Variants in TRPC5 observed in about 807,000 individuals in gnomAD.
TRPC5 encodes short transient receptor potential channel 5.
Under a neutral mutation model 56.5 loss-of-function variants are expected in TRPC5, and 9 were observed. The observed-to-expected ratio is 0.16, with a 90% CI of 0.10 to 0.28. TRPC5 has a LOEUF of 0.28. TRPC5 is among the 10% of genes least tolerant of loss of function. The pLI, the probability that TRPC5 is intolerant of heterozygous loss-of-function variation, is 1.00. For missense variants in TRPC5, 469 were observed against 748.9 expected (o/e 0.63, Z 4.36); for synonymous variants, 282 against 278.5 (o/e 1.01, Z -0.13).
intron 1 of TRPC5, among the ~76,000 whole-genome samples, chrX:112,080,329 C>T (rs769706695): frequency 9.1e-6 from 1 of 109,549 alleles, no homozygotes; most frequent in South Asian, 4.1e-4. Flanking sequence ...TCACCTCCTG[C>T]TCCCCTCTGT....
chrX:111,834,161 C>T (rs747790324), intron 7 of TRPC5, among the ~76,000 whole-genome samples: 18 of 112,444 alleles, frequency 1.6e-4, no homozygotes, highest in African/African-American at 5.8e-4. Context: ...GTATCCTACA[C>T]TTTCACTATT....
chrX:111,888,534 GA>G (rs958980627), intron 3 of TRPC5, among the ~76,000 whole-genome samples: 22 of 99,189 alleles, frequency 2.2e-4, no homozygotes, highest in East Asian at 3.2e-4. Flanking sequence ...AGAAAGAAAA[GA>G]AAAAAAAAAT....
At chrX:112,044,494 G>A (rs1929973645) in intron 1 of TRPC5, among the ~76,000 whole-genome samples, 1 of 112,004 alleles carries the variant, frequency 8.9e-6, no homozygotes, top group Admixed American at 9.5e-5. Context: ...CTTCCATACA[G>A]AGATATTGTG....
At chrX:112,031,246 G>A (rs960083237) in intron 1 of TRPC5, among the ~76,000 whole-genome samples, 4 of 111,704 alleles carry the variant, frequency 3.6e-5, no homozygotes, top group Non-Finnish European at 7.5e-5. Context: ...GAAAAGAAAA[G>A]GGGACAAAAC....
intron 7 of TRPC5, among the ~76,000 whole-genome samples, chrX:111,798,138 T>C (rs1244500034): frequency 8.9e-6 from 1 of 111,963 alleles, no homozygotes; most frequent in Non-Finnish European, 1.9e-5. Context: ...ACAACTATTA[T>C]AAAAAGTTAA....
At chrX:111,875,740 A>G (rs1429842582) in intron 3 of TRPC5, among the ~76,000 whole-genome samples, 1 of 109,473 alleles carries the variant, frequency 9.1e-6, no homozygotes, top group Non-Finnish European at 1.9e-5. Flanking sequence ...AAAAATAATG[A>G]CTGTCAGATA....
At chrX:112,081,532 TC>T (rs1483865173) in intron 1 of TRPC5, among the ~76,000 whole-genome samples, 1 of 111,019 alleles carries the variant, frequency 9.0e-6, no homozygotes, top group East Asian at 2.9e-4. Flanking sequence ...GGGAGCAGGT[TC>T]CCCACGGATC....
At chrX:111,815,041 A>G (rs998108282) in intron 7 of TRPC5, among the ~76,000 whole-genome samples, 1 of 111,775 alleles carries the variant, frequency 8.9e-6, no homozygotes, top group African/African-American at 3.3e-5. Context: ...GAAAGCAGAG[A>G]AGACATTACG....
chrX:111,852,499 A>AT (rs1257630782), intron 4 of TRPC5, 62 bp from the exon 5 acceptor site: 7 of 1,072,647 alleles, frequency 6.5e-6, no homozygotes, highest in Middle Eastern at 2.6e-4. Context: ...TCATAGAAGG[A>AT]TTCCCCCCTC....
intron 7 of TRPC5, among the ~76,000 whole-genome samples, chrX:111,816,110 G>A (rs985431497): frequency 8.9e-6 from 1 of 111,750 alleles, no homozygotes; most frequent in South Asian, 3.8e-4. Flanking sequence ...GGTTATTTAG[G>A]CTTGGCACTC....
chrX:112,051,809 C>T (rs1321724821), intron 1 of TRPC5, among the ~76,000 whole-genome samples: 1 of 111,449 alleles, frequency 9.0e-6, no homozygotes, highest in Non-Finnish European at 1.9e-5. Context: ...TGACAACCAC[C>T]ACTCTACTTT....
intron 2 of TRPC5, among the ~76,000 whole-genome samples, chrX:111,943,923 G>A (rs1175336011): frequency 1.8e-5 from 2 of 112,305 alleles, no homozygotes; most frequent in Non-Finnish European, 1.9e-5. Flanking sequence ...CATACCATAC[G>A]ACATGCTAAG....
Position 111,776,400 on chromosome X carries a change from A to T in TRPC5, c.2835T>A (p.Asp945Glu), listed in dbSNP as rs1332442807. Residue 945 changes from aspartate (D) to glutamate (E), a missense_variant, in exon 11 of 11, where the codon GAT becomes GAA. Physicochemically the swap from Asp to Glu is conservative, Grantham distance 45. Around this residue, in one of 3 missense-constraint regions of TRPC5, gnomAD observed 194 missense variants for 221.8 expected, o/e 0.87. Coordinates refer to ENST00000262839, the MANE Select transcript of TRPC5 (RefSeq NM_012471.3). Reference protein sequence around the residue: ...SNSKLLDSSEDVFETWGEACD... With the variant: ...SNSKLLDSSEEVFETWGEACD... ...AAGCCTCTCCCCAAGTTTCAAATAC[A>T]TCCTCTGAGGAGTCTAAAAGTTTAG... 6.6e-6 allele frequency: 8 copies of T among 1,208,438 alleles called. No homozygotes were observed. The highest frequency in any genetic ancestry group is 1.8e-5 in the South Asian group (1 of 56,513).
chrX:111,825,213 TTCTTTCTTCTTTCTTTCTCTC>T (rs1922185083), intron 7 of TRPC5, among the ~76,000 whole-genome samples: 3 of 78,486 alleles, frequency 3.8e-5, no homozygotes, highest in Admixed American at 3.0e-4. Context: ...CTTTCTTTCT[TTCTTTCTTCTTTCTTTCTCTC>T]TCTCTCTCTC....
chrX:112,018,062 ATAAT>A (rs1483826211), intron 1 of TRPC5, among the ~76,000 whole-genome samples: 1 of 112,793 alleles, frequency 8.9e-6, no homozygotes, highest in Non-Finnish European at 1.9e-5. Flanking sequence ...TTACATTGAA[ATAAT>A]TTCACTTGGT....
chrX:112,010,172 T>C (rs1016460330), intron 1 of TRPC5, among the ~76,000 whole-genome samples: 4 of 111,748 alleles, frequency 3.6e-5, no homozygotes, highest in Non-Finnish European at 5.6e-5. Flanking sequence ...ACAGTAGCTG[T>C]GTGAACTTAG....
At chrX:111,781,048 AAGCCTCCT>A in intron 9 of TRPC5, 109 bp downstream of exon 9, 1 of 729,494 alleles carries the variant, frequency 1.4e-6, no homozygotes, top group South Asian at 2.1e-5. Context: ...CAGCCTTTCC[AAGCCTCCT>A]ATCCCAGTCA....
chrX:112,069,636 C>A (rs773327169), intron 1 of TRPC5, among the ~76,000 whole-genome samples: 1 of 112,319 alleles, frequency 8.9e-6, no homozygotes, highest in Non-Finnish European at 1.9e-5. Context: ...CTTGCCATCT[C>A]AACTTCTAGC....
At chrX:112,071,309 A>AAAAT (rs199726256) in intron 1 of TRPC5, among the ~76,000 whole-genome samples, 5,952 of 105,164 alleles carry the variant, frequency 0.057, 186 homozygotes, top group African/African-American at 0.1. Flanking sequence ...CCCTGTCTCA[A>AAAAT]AAATAAATAA....
Sources: allele counts gnomAD v4.1 joint callset (sites outside exome capture counted in the v4.1 genomes callset), GRCh38; gene constraint gnomAD v4.1.1; regional missense constraint gnomAD v4.1.1; transcripts MANE v1.5; gene names NCBI Gene and HGNC (gene_info 2026-07-23, HGNC 2026-07-21).